MSI2: variants seen among roughly 807,000 people sequenced by gnomAD.
MSI2 encodes the protein musashi RNA binding protein 2.
A neutral mutation model predicts 45.6 loss-of-function variants in MSI2; 17 were observed. That is an observed-to-expected ratio of 0.37 (90% confidence interval 0.26 to 0.56). The LOEUF is 0.56. Among genes scored for constraint, MSI2 ranks in the 20% least tolerant of loss-of-function variants. MSI2 has a pLI of 0.77. For synonymous variants in MSI2, 156 were observed against 158.2 expected (o/e 0.99, Z 0.11); for missense variants, 293 against 444.2 (o/e 0.66, Z 3.06).
chr17:57,627,149 T>A lies in MSI2; in HGVS notation c.653-80T>A. On this transcript the variant is annotated intron_variant, in intron 9 of 13. Coordinates refer to ENST00000284073, the MANE Select transcript of MSI2 (RefSeq NM_138962.4). The surrounding 1 kb of genome is among the most constrained non-coding windows in gnomAD (Gnocchi z 4.6). ...AGGAAAATAACTCAGGCTTTCCTCA[T>A]TGCCACCCTCCGTGAGATTTTACCC... The A allele has an allele frequency of 7.9e-7, 1 of 1,264,262 alleles. No homozygotes were observed. The highest frequency in any genetic ancestry group is 1.2e-5 in the South Asian group (1 of 83,462). 78.3% of individuals were successfully genotyped at this position (1,264,262 alleles called of 1,614,324 possible).
chr17:57,385,755 A>G (rs991235566), intron 5 of MSI2, among the ~76,000 whole-genome samples: 2 of 152,348 alleles, frequency 1.3e-5, no homozygotes, highest in Non-Finnish European at 1.5e-5. Context: ...GACATAGTTC[A>G]TCATATTTCC....
intron 11 of MSI2, among the ~76,000 whole-genome samples, chr17:57,654,703 C>A (rs1168365848): frequency 6.6e-6 from 1 of 152,170 alleles, no homozygotes; most frequent in Non-Finnish European, 1.5e-5. Flanking sequence ...CAACTGCATT[C>A]CCTTATAGGG....
the MSI2 span, among the ~76,000 whole-genome samples, chr17:57,697,414 ACT>A: frequency 6.7e-6 from 1 of 150,024 alleles, no homozygotes; most frequent in Non-Finnish European, 1.5e-5. Context: ...CTTCGCCCAC[ACT>A]CTCTCCCCCT....
rs1363582456 is a variant in MSI2 at position 57,502,620 on chromosome 17, T to G, written c.406-27056T>G. Among the ~76,000 whole-genome samples the G allele has an allele frequency of 1.7e-4, 21 of 120,622 alleles. 2 individuals are homozygous for G. The highest frequency in any genetic ancestry group is 5.8e-4 in the African/African-American group (19 of 32,854). 79.1% of individuals were successfully genotyped at this position (120,622 alleles called of 152,430 possible). A position where few individuals can be genotyped will look rare whatever the true frequency, so the allele number is the denominator to read the frequency against. On this transcript the variant is annotated intron_variant, in intron 6 of 13. Coordinates refer to ENST00000284073, the MANE Select transcript of MSI2 (RefSeq NM_138962.4). ...ACTCTGAGATATATATATATATATATATATATATATATATATAGTCATCAT... is the reference window on the plus strand; with the variant it reads ...ACTCTGAGATATATATATATATATAGATATATATATATATATAGTCATCAT...
chr17:57,649,580 AAC>A (rs1182471402), intron 10 of MSI2, among the ~76,000 whole-genome samples: 1 of 152,078 alleles, frequency 6.6e-6, no homozygotes, highest in African/African-American at 2.4e-5. Context: ...ATACACACCC[AAC>A]ACACACACCC....
chr17:57,272,278 A>T (rs1908444342), intron 5 of MSI2, among the ~76,000 whole-genome samples: 1 of 152,198 alleles, frequency 6.6e-6, no homozygotes, highest in African/African-American at 2.4e-5. Context: ...CCACCTGCTG[A>T]AAAGTAAAGT....
chr17:57,545,207 G>A (rs2087136629), intron 7 of MSI2, among the ~76,000 whole-genome samples: 1 of 152,116 alleles, frequency 6.6e-6, no homozygotes, highest in African/African-American at 2.4e-5. Flanking sequence ...AACCTCATAA[G>A]TGCCTCCTCA....
At chr17:57,445,291 C>T (rs1435834096) in intron 6 of MSI2, among the ~76,000 whole-genome samples, 3 of 152,176 alleles carry the variant, frequency 2.0e-5, no homozygotes, top group Non-Finnish European at 4.4e-5. Context: ...GATGTTTGCT[C>T]CTGAAATGAG....
chr17:57,549,066 G>A (rs1302062802), intron 7 of MSI2, among the ~76,000 whole-genome samples: 3 of 152,118 alleles, frequency 2.0e-5, no homozygotes, highest in Non-Finnish European at 4.4e-5. Context: ...TAAAAGGCTT[G>A]GTCTCACTAT....
intron 6 of MSI2, among the ~76,000 whole-genome samples, chr17:57,432,153 C>T (rs938571278): frequency 2.0e-5 from 3 of 152,076 alleles, no homozygotes; most frequent in African/African-American, 7.2e-5. Flanking sequence ...ATTGAATTAC[C>T]AGGCACTTAA....
At chr17:57,562,646 A>T (rs2087606787) in intron 7 of MSI2, among the ~76,000 whole-genome samples, 1 of 152,150 alleles carries the variant, frequency 6.6e-6, no homozygotes, top group African/African-American at 2.4e-5. Context: ...GAAAAAAAAT[A>T]CTTCTGTTTT....
At chr17:57,689,447 G>A (rs1478312277), downstream of MSI2, among the ~76,000 whole-genome samples, 5 of 152,180 alleles carry the variant, frequency 3.3e-5, no homozygotes, top group African/African-American at 9.7e-5. Context: ...GGAGAACGTG[G>A]TTTCATGTAA....
intron 6 of MSI2, among the ~76,000 whole-genome samples, chr17:57,498,809 G>A (rs2086034757): frequency 6.6e-6 from 1 of 151,592 alleles, no homozygotes; most frequent in Admixed American, 6.6e-5. Context: ...GGGTACACGT[G>A]CACAATGTGC....
At chr17:57,344,008 T>A (rs1046403906) in intron 5 of MSI2, among the ~76,000 whole-genome samples, 2 of 152,204 alleles carry the variant, frequency 1.3e-5, no homozygotes, top group African/African-American at 4.8e-5. Flanking sequence ...GTTGTTAGAT[T>A]TCTCCACTGT....
At chr17:57,491,374 A>G (rs1227454149) in intron 6 of MSI2, among the ~76,000 whole-genome samples, 1 of 152,270 alleles carries the variant, frequency 6.6e-6, no homozygotes, top group Non-Finnish European at 1.5e-5. Flanking sequence ...GCTGCAATTC[A>G]GCAGAACATT....
intron 7 of MSI2, among the ~76,000 whole-genome samples, chr17:57,579,128 A>G (rs1000703098): frequency 1.3e-5 from 2 of 152,244 alleles, no homozygotes; most frequent in African/African-American, 4.8e-5. Context: ...GTCAAGTGCA[A>G]TAAAGTGAAT....
downstream of MSI2, among the ~76,000 whole-genome samples, chr17:57,687,012 C>CA (rs910585636): frequency 6.8e-6 from 1 of 148,122 alleles, no homozygotes; most frequent in Non-Finnish European, 1.5e-5. Flanking sequence ...GCAGCCCCCC[C>CA]CCCAAAAAAT....
intron 4 of MSI2, among the ~76,000 whole-genome samples, chr17:57,259,599 T>C (rs1307905596): frequency 6.6e-6 from 1 of 152,256 alleles, no homozygotes; most frequent in Non-Finnish European, 1.5e-5. Context: ...AGTTGCTTTA[T>C]TAATTGTCCT....
At chr17:57,546,015 G>C (rs115004166) in intron 7 of MSI2, among the ~76,000 whole-genome samples, 30 of 152,300 alleles carry the variant, frequency 2.0e-4, no homozygotes, top group Non-Finnish European at 2.1e-4. Context: ...CTCGACAGCC[G>C]AGGGGCAGCT....
Sources: gnomAD v4.1 joint callset for allele counts (sites outside exome capture counted in the v4.1 genomes callset) on GRCh38, gnomAD v4.1.1 for gene constraint, Gnocchi (gnomAD v3.1) non-coding constraint, MANE v1.5 for transcripts, NCBI Gene and HGNC (gene_info 2026-07-23, HGNC 2026-07-21) for gene names.